Variants in PTPN7 observed in about 807,000 individuals in gnomAD.
PTPN7 encodes the protein protein tyrosine phosphatase non-receptor type 7, also known as tyrosine-protein phosphatase non-receptor type 7.
In PTPN7, 33 loss-of-function variants were observed where a neutral mutation model predicts 50.3. The ratio of observed to expected loss-of-function variants is 0.66; its 90% confidence interval spans 0.50 to 0.88. The LOEUF is 0.88. Ranked by LOEUF, PTPN7 falls within the 40% of genes least tolerant of loss-of-function variation. The pLI, the probability that PTPN7 is intolerant of heterozygous loss-of-function variation, is 0.00. For missense variants in PTPN7, 412 were observed against 475.4 expected, an observed-to-expected ratio of 0.87 and a Z score of 1.24; for synonymous variants, 185 against 186.6, an observed-to-expected ratio of 0.99 and a Z score of 0.07.
chr1:202,152,807 T>C, intron 7 of PTPN7, 108 bp from the exon 8 acceptor site: 1 of 1,299,008 alleles, frequency 7.7e-7, no homozygotes, highest in Non-Finnish European at 1.1e-6. Context: ...TGTGGGGGGG[T>C]CATCTACTCA....
chr1:202,155,152 T>G (rs1656511681), intron 5 of PTPN7, among the ~76,000 whole-genome samples: 1 of 151,966 alleles, frequency 6.6e-6, no homozygotes, highest in Admixed American at 6.6e-5. Flanking sequence ...GCAGTTAAGG[T>G]AAGTTGGCGG....
chr1:202,154,081 G>C, intron 6 of PTPN7, 105 bp downstream of exon 6: 1 of 1,515,724 alleles, frequency 6.6e-7, no homozygotes, highest in Non-Finnish European at 9.0e-7. Flanking sequence ...GCTGGGGCTG[G>C]CTCCCAGGGA....
upstream of PTPN7, chr1:202,161,570 A>C: frequency 7.8e-7 from 1 of 1,282,230 alleles, no homozygotes; most frequent in African/African-American, 1.5e-5. Context: ...TGCTCGCTGC[A>C]CGCCTCCTTT....
chr1:202,153,812 T>G lies in PTPN7; in HGVS notation c.630A>C (p.Thr210=), dbSNP rs1656328901. The change falls in exon 7 of 10, where the codon ACA becomes ACC. Residue 210 remains threonine (T), a synonymous_variant. Transcript: ENST00000691036. Reference sequence around the variant, plus strand: ...GGAAGGGTCCATAGGTTTCCTCTTCTGTGGGCCAGTAGTGGACACATTTCT... The same window carrying G: ...GGAAGGGTCCATAGGTTTCCTCTTCGGTGGGCCAGTAGTGGACACATTTCT... ...GKEKCVHYWP[T]EEETYGPFQI... The G allele has an allele frequency of 6.2e-7, 1 of 1,614,068 alleles. No individual in the cohort carries two copies. The highest frequency in any genetic ancestry group is 1.3e-5 in the African/African-American group (1 of 75,026).
chr1:202,148,727 G>A lies in PTPN7; in HGVS notation c.990-28C>T, dbSNP rs771366642. The A allele has an allele frequency of 8.1e-6, 13 of 1,600,046 alleles. No individual in the cohort carries two copies. In the Middle Eastern group the frequency reaches 1.3e-3, roughly 163 times the overall value. On this transcript the variant is annotated intron_variant, in intron 9 of 9. Transcript: ENST00000691036. ...GCAAGGAGAAACACACAGACCATGA[G>A]TGAAGGAGGGTCAGGGTGCTGGCTG...
At chr1:202,155,277 T>C (rs567364481) in intron 5 of PTPN7, among the ~76,000 whole-genome samples, 2 of 152,240 alleles carry the variant, frequency 1.3e-5, no homozygotes, top group East Asian at 3.9e-4. Context: ...GAGGGTGGCA[T>C]GGGAGGACTG....
At chr1:202,154,074 G>C in intron 6 of PTPN7, 112 bp downstream of exon 6, 1 of 1,484,652 alleles carries the variant, frequency 6.7e-7, no homozygotes, top group Non-Finnish European at 9.3e-7. Context: ...GGTATGAGCT[G>C]GGGCTGGCTC....
chr1:202,156,611 C>G (rs1031298917), intron 4 of PTPN7, among the ~76,000 whole-genome samples: 10 of 152,204 alleles, frequency 6.6e-5, no homozygotes, highest in African/African-American at 2.2e-4. Flanking sequence ...GAATCTCAGG[C>G]AAAGGAATTT....
chr1:202,161,304 A>G, upstream of PTPN7: 1 of 1,167,268 alleles, frequency 8.6e-7, no homozygotes, highest in Non-Finnish European at 1.1e-6. Context: ...CACTTGTGGG[A>G]GGGAGTCCGA....
At chr1:202,161,148 A>T (rs1270180892), upstream of PTPN7, 1 of 1,193,154 alleles carries the variant, frequency 8.4e-7, no homozygotes. Flanking sequence ...GGGAAAAAGA[A>T]GAAGCAAGAA....
intron 6 of PTPN7, 105 bp from the exon 7 acceptor site, chr1:202,153,940 G>A (rs548743121): frequency 1.9e-6 from 2 of 1,057,322 alleles, no homozygotes; most frequent in South Asian, 1.3e-5. Flanking sequence ...CCTACTGGAT[G>A]GGAGGTCAGC....
chr1:202,155,703 A>C (rs1656584353), intron 4 of PTPN7, 94 bp from the exon 5 acceptor site: 1 of 1,082,278 alleles, frequency 9.2e-7, no homozygotes, highest in African/African-American at 1.5e-5. Flanking sequence ...TCCTGTGCTC[A>C]TCACAGTCAT....
At chr1:202,155,476 C>A (rs1338865712) in intron 5 of PTPN7, 57 bp downstream of exon 5, 2 of 1,482,204 alleles carry the variant, frequency 1.3e-6, no homozygotes, top group Non-Finnish European at 1.9e-6. Flanking sequence ...GGAAGATATT[C>A]TCAGACGTCT....
At chr1:202,153,475 C>T (rs1485722031) in intron 7 of PTPN7, among the ~76,000 whole-genome samples, 1 of 152,242 alleles carries the variant, frequency 6.6e-6, no homozygotes, top group African/African-American at 2.4e-5. Flanking sequence ...CTCCTGGATC[C>T]TGCCTGTCCC....
At chr1:202,150,476 G>A (rs771240222) in intron 8 of PTPN7, 52 bp from the exon 9 acceptor site, 15 of 1,424,230 alleles carry the variant, frequency 1.1e-5, no homozygotes, top group Middle Eastern at 2.3e-4. Context: ...CAGGGAATAT[G>A]AGAGCCAGGC....
chr1:202,154,431 C>T (rs775324841), intron 5 of PTPN7, 108 bp from the exon 6 acceptor site: 45 of 1,314,562 alleles, frequency 3.4e-5, no homozygotes, highest in South Asian at 1.7e-4. Context: ...GTGAACCACA[C>T]GTGTAGACGT....
At chr1:202,160,991 C>T, upstream of PTPN7, 3 of 1,423,762 alleles carry the variant, frequency 2.1e-6, no homozygotes, top group South Asian at 4.7e-5. This position sits in a 1 kb window ranked among gnomAD's most constrained non-coding sequence, Gnocchi z 4.8. Context: ...ATTTCTCCTT[C>T]TCTGCTTCTG....
At chr1:202,157,711 C>T (rs1557977269) in intron 4 of PTPN7, 28 bp downstream of exon 4, 1 of 1,586,680 alleles carries the variant, frequency 6.3e-7, no homozygotes, top group Non-Finnish European at 8.7e-7. Flanking sequence ...CTGTACCCGA[C>T]TCCCTTCATC....
At chr1:202,160,666 C>T (rs1352348298), upstream of PTPN7, 3 of 1,550,590 alleles carry the variant, frequency 1.9e-6, no homozygotes, top group Non-Finnish European at 2.6e-6. This position sits in a 1 kb window ranked among gnomAD's most constrained non-coding sequence, Gnocchi z 4.8. Flanking sequence ...CTTGCTGCCA[C>T]CCACGCACAC....
Sources: gnomAD v4.1 joint callset for allele counts (sites outside exome capture counted in the v4.1 genomes callset) on GRCh38, gnomAD v4.1.1 for gene constraint, Gnocchi (gnomAD v3.1) non-coding constraint, MANE v1.5 for transcripts, NCBI Gene and HGNC (gene_info 2026-07-23, HGNC 2026-07-21) for gene names.